RCBTB2: variants seen among roughly 807,000 people sequenced by gnomAD.
RCBTB2 encodes the protein RCC1 and BTB domain containing protein 2.
A neutral mutation model predicts 65.4 loss-of-function variants in RCBTB2; 55 were observed. The observed-to-expected ratio is 0.84, with a 90% CI of 0.68 to 1.05. The LOEUF is 1.05. RCBTB2 is among the 50% of genes least tolerant of loss of function. The pLI, the probability that RCBTB2 is intolerant of heterozygous loss-of-function variation, is 0.00. For missense variants in RCBTB2, 599 were observed against 680.1 expected, an observed-to-expected ratio of 0.88 and a Z score of 1.33; for synonymous variants, 220 against 255.2, an observed-to-expected ratio of 0.86 and a Z score of 1.31.
At chr13:48,507,062 C>A (rs60546811) in intron 10 of RCBTB2, among the ~76,000 whole-genome samples, 1,652 of 152,316 alleles carry the variant, frequency 0.011, 31 homozygotes, top group African/African-American at 0.037. Context: ...ACACTACTCT[C>A]TAGAGAAGGG....
chr13:48,496,394 C>G (rs1949972595), intron 13 of RCBTB2, 73 bp from the exon 14 acceptor site: 6 of 1,402,726 alleles, frequency 4.3e-6, no homozygotes. Context: ...CTCAGCCACT[C>G]AGAGATGATT....
chr13:48,534,428 A>AT (rs1952326674), upstream of RCBTB2, among the ~76,000 whole-genome samples: 3 of 152,174 alleles, frequency 2.0e-5, no homozygotes, highest in African/African-American at 7.2e-5. Flanking sequence ...CAGATAAGGC[A>AT]ACTCAGGCCC....
chr13:48,504,351 T>A, intron 10 of RCBTB2: 1 of 985,370 alleles, frequency 1.0e-6, no homozygotes, highest in Non-Finnish European at 1.2e-6. Flanking sequence ...TGGCGTCACC[T>A]CTGTACAGAC....
chr13:48,506,629 GC>G (rs1226832422), intron 10 of RCBTB2, among the ~76,000 whole-genome samples: 1 of 152,192 alleles, frequency 6.6e-6, no homozygotes, highest in Non-Finnish European at 1.5e-5. Context: ...AGGTGTGGGG[GC>G]CAATGTACAC....
chr13:48,533,616 G>A (rs950588294), upstream of RCBTB2, among the ~76,000 whole-genome samples: 13 of 152,086 alleles, frequency 8.5e-5, no homozygotes, highest in African/African-American at 2.7e-4. Flanking sequence ...TGTGCTGGGG[G>A]GTTCAGGGGG....
intron 10 of RCBTB2, among the ~76,000 whole-genome samples, chr13:48,507,819 G>A (rs146931834): frequency 4.1e-4 from 63 of 152,260 alleles, no homozygotes; most frequent in African/African-American, 1.4e-3. Context: ...ATGCCGTTAG[G>A]GAACGTTAAG....
rs886099414 is a variant in RCBTB2, at chr13:48,504,144, G to A, written c.927-1230C>T. On this transcript the variant is annotated intron_variant, in intron 10 of 14. Transcript: ENST00000344532. ...GTCTCCCCTCAGCCACCACTGGGGGGTCAGGTACACCCCACATCTGGCCCC... is the reference window on the plus strand; with the variant it reads ...GTCTCCCCTCAGCCACCACTGGGGGATCAGGTACACCCCACATCTGGCCCC... 31 of 984,692 alleles carry A rather than the reference G, an allele frequency of 3.1e-5. No homozygotes were observed. The South Asian group carries it at 1.5e-3, about 46-fold the overall frequency. 61.0% of individuals were successfully genotyped at this position (984,692 alleles called of 1,614,324 possible).
intron 10 of RCBTB2, 95 bp from the exon 11 acceptor site, chr13:48,503,009 T>C: frequency 7.7e-7 from 1 of 1,301,120 alleles, no homozygotes; most frequent in South Asian, 1.7e-5. Context: ...TGGGACATCA[T>C]AAAATTACAA....
At chr13:48,512,397 T>A (rs1156406524) in intron 7 of RCBTB2, among the ~76,000 whole-genome samples, 1 of 152,218 alleles carries the variant, frequency 6.6e-6, no homozygotes, top group Non-Finnish European at 1.5e-5. Context: ...CAGTAATAAT[T>A]ACTATTAAAT....
intron 12 of RCBTB2, among the ~76,000 whole-genome samples, chr13:48,500,835 C>G (rs186582750): frequency 6.6e-6 from 1 of 152,172 alleles, no homozygotes; most frequent in Non-Finnish European, 1.5e-5. Flanking sequence ...AAATCCACCC[C>G]CCTTCTTTCA....
chr13:48,501,932 T>A (rs998948264), intron 11 of RCBTB2, 64 bp from the exon 12 acceptor site: 1 of 1,463,598 alleles, frequency 6.8e-7, no homozygotes, highest in Non-Finnish European at 9.4e-7. Flanking sequence ...CAGGACAGGA[T>A]ATGGCACTAC....
At position 48,515,368 on chromosome 13, in the gene RCBTB2, C is replaced by A. The variant is rs766217522; in HGVS notation, c.199-13G>T. ...CAAGCACAAAAATCTATGGGAAAAACCACTGTTAGTTCAAGCAGTTCTATT... is the reference window on the plus strand; with the variant it reads ...CAAGCACAAAAATCTATGGGAAAAAACACTGTTAGTTCAAGCAGTTCTATT... On this transcript the variant is annotated splice_polypyrimidine_tract_variant and intron_variant, in intron 5 of 14. Coordinates refer to ENST00000344532, the MANE Select transcript of RCBTB2 (RefSeq NM_001268.4). 2.5e-6 allele frequency: 4 copies of A among 1,611,360 alleles called. No individual in the cohort carries two copies. Among genetic ancestry groups the A allele is most frequent in the Non-Finnish European group, 3.4e-6 (4 of 1,178,916 alleles).
At chr13:48,533,943 G>C (rs1270298030), upstream of RCBTB2, among the ~76,000 whole-genome samples, 1 of 152,038 alleles carries the variant, frequency 6.6e-6, no homozygotes, top group African/African-American at 2.4e-5. Context: ...AAGTAGTAAA[G>C]CCAAAGAGAA....
chr13:48,528,820 A>G (rs541558015), intron 1 of RCBTB2, among the ~76,000 whole-genome samples: 1 of 152,338 alleles, frequency 6.6e-6, no homozygotes, highest in African/African-American at 2.4e-5. Flanking sequence ...GCTAATTAAA[A>G]TGGAACAATT....
rs781556810 is a variant in RCBTB2, at chr13:48,496,247, T to G, written c.1459A>C (p.Ile487Leu). Residue 487 changes from isoleucine (I) to leucine (L), a missense_variant, in exon 14 of 15, where the codon ATC becomes CTC. Physicochemically the swap from Ile to Leu is conservative, Grantham distance 5. Transcript: ENST00000344532. ...AGAGCGATGGCATTCTCCTCGCAGA[T>G]GCCTTGCTTGATAGTTTGTTGGCAG... is the stretch of plus-strand genomic sequence containing the variant. ...KLCQQTIKQG[I>L]CEENAIALLS... is the part of the protein sequence containing the mutation. 2 of 1,594,998 alleles carry G rather than the reference T, an allele frequency of 1.3e-6. No individual in the cohort carries two copies. The highest frequency in any genetic ancestry group is 1.7e-6 in the Non-Finnish European group (2 of 1,170,546).
At chr13:48,493,615 C>T (rs1949844835) in intron 14 of RCBTB2, among the ~76,000 whole-genome samples, 3 of 151,916 alleles carry the variant, frequency 2.0e-5, no homozygotes, top group South Asian at 4.2e-4. Context: ...CCCTCCACAC[C>T]GGGCTTGCTT....
chr13:48,496,892 T>C (rs1010692824), intron 13 of RCBTB2, among the ~76,000 whole-genome samples: 4 of 149,508 alleles, frequency 2.7e-5, no homozygotes, highest in East Asian at 3.9e-4. Flanking sequence ...GTCTTCCTCC[T>C]GTTACCCTAT....
chr13:48,508,868 A>G (rs1452963529), intron 10 of RCBTB2, among the ~76,000 whole-genome samples: 1 of 152,084 alleles, frequency 6.6e-6, no homozygotes, highest in African/African-American at 2.4e-5. Context: ...TTGACGCCCC[A>G]CAATCCATCT....
intron 1 of RCBTB2, among the ~76,000 whole-genome samples, chr13:48,529,543 G>A (rs1951989650): frequency 6.6e-6 from 1 of 152,198 alleles, no homozygotes; most frequent in Admixed American, 6.5e-5. Flanking sequence ...AGGCCAATTA[G>A]CAAGGCTGAA....
Sources: allele counts gnomAD v4.1 joint callset (sites outside exome capture counted in the v4.1 genomes callset), GRCh38; gene constraint gnomAD v4.1.1; transcripts MANE v1.5; gene names NCBI Gene and HGNC (gene_info 2026-07-23, HGNC 2026-07-21).